TECTA: variants seen among roughly 807,000 people sequenced by gnomAD.
The protein encoded by TECTA is tectorin alpha, also known as alpha-tectorin.
TECTA carries 128 observed loss-of-function variants against 216.8 expected under a neutral mutation model. That is an observed-to-expected ratio of 0.59 (90% CI 0.51 to 0.68). The LOEUF (loss-of-function observed/expected upper bound fraction) is 0.68, where lower values mean the gene tolerates loss of function less well. TECTA is among the 30% of genes least tolerant of loss of function. The probability of loss-of-function intolerance (pLI) is 0.00; values close to 1 mark genes in which losing one functional copy is unlikely to be tolerated. For synonymous variants in TECTA, 1,089 were observed against 1,117.1 expected, an observed-to-expected ratio of 0.97 and a Z score of 0.50; for missense variants, 2,551 against 2,786.2, an observed-to-expected ratio of 0.92 and a Z score of 1.90.
chr11:121,134,202 A>G (rs1388060368), intron 10 of TECTA, among the ~76,000 whole-genome samples: 1 of 152,072 alleles, frequency 6.6e-6, no homozygotes, highest in Non-Finnish European at 1.5e-5. Flanking sequence ...CTTGACTCCA[A>G]GAAGCCCTGG....
rs200370805 is a variant in TECTA, at chr11:121,161,540, T to TCCTTCCCTTC, written c.4977-516_4977-507dup. Reference sequence around the variant, plus strand: ...CTGCCTCCCTCCCTCCTTCCCTCCCTCCTTCCCTTCCCTTCCCTTCCCTTC... The same window carrying TCCTTCCCTTC: ...CTGCCTCCCTCCCTCCTTCCCTCCCTCCTTCCCTTCCCTTCCCTTCCCTTCCCTTCCCTTC... On this transcript the variant is annotated intron_variant, in intron 15 of 23. Coordinates refer to ENST00000392793, the MANE Select transcript of TECTA (RefSeq NM_005422.4). 6.4e-3 allele frequency among the ~76,000 whole-genome samples: 30 copies of TCCTTCCCTTC among 4,690 alleles called. 4 individuals are homozygous for TCCTTCCCTTC. Among genetic ancestry groups the TCCTTCCCTTC allele is most frequent in the African/African-American group, 0.017 (28 of 1,638 alleles). The allele number at this position is 4,690 out of a possible 152,430, so 3.1% of individuals were successfully genotyped here.
intron 6 of TECTA, among the ~76,000 whole-genome samples, chr11:121,116,049 G>A (rs543551173): frequency 3.9e-5 from 6 of 152,218 alleles, no homozygotes; most frequent in Non-Finnish European, 7.4e-5. Flanking sequence ...TAGTGCCTTC[G>A]CTCTAAGGTA....
chr11:121,117,275 A>G (rs1240311836), intron 6 of TECTA, among the ~76,000 whole-genome samples: 1 of 152,208 alleles, frequency 6.6e-6, no homozygotes, highest in African/African-American at 2.4e-5. Flanking sequence ...TCCACATTTT[A>G]CAGGTTAGGA....
intron 12 of TECTA, 47 bp from the exon 13 acceptor site, chr11:121,152,834 C>A: frequency 1.3e-6 from 2 of 1,560,082 alleles, no homozygotes; most frequent in South Asian, 1.2e-5. Context: ...AAACCCTCCT[C>A]GGTGCCTTGT....
At chr11:121,125,254 T>C in intron 7 of TECTA, 48 bp from the exon 8 acceptor site, 5 of 1,584,742 alleles carry the variant, frequency 3.2e-6, no homozygotes, top group Non-Finnish European at 4.3e-6. Context: ...TGGAACCCAG[T>C]GCCTGGGCAC....
At chr11:121,136,209 C>T (rs967743494) in intron 10 of TECTA, among the ~76,000 whole-genome samples, 1 of 152,150 alleles carries the variant, frequency 6.6e-6, no homozygotes, top group Non-Finnish European at 1.5e-5. Context: ...GATCCACCCG[C>T]CTCAGCCTCC....
chr11:121,130,950 C>A (rs1946668373), intron 10 of TECTA, among the ~76,000 whole-genome samples: 1 of 148,024 alleles, frequency 6.8e-6, no homozygotes, highest in Admixed American at 6.6e-5. Flanking sequence ...CATGGTGGCT[C>A]ACGCCTGGAA....
rs1003951217 is a variant in TECTA, at chr11:121,168,058, A to G, written c.5591A>G (p.Asn1864Ser). ...KGNCGNIVQS[N>S]GTHIMYKNTL... is the part of the protein sequence containing the mutation. Reference sequence around the variant, plus strand: ...TGACTTCCCCTTGTTCTGCAGTCCAATGGCACGCATATCATGTATAAAAAC... The same window carrying G: ...TGACTTCCCCTTGTTCTGCAGTCCAGTGGCACGCATATCATGTATAAAAAC... The change falls in exon 19 of 24, where the codon AAT becomes AGT. Residue 1864 changes from asparagine to serine, a missense_variant. Asn to Ser is a conservative substitution (Grantham distance 46, BLOSUM62 1). Around this residue, in one of 3 missense-constraint regions of TECTA, gnomAD observed 2,375 missense variants for 2,563.9 expected, o/e 0.93. Coordinates refer to ENST00000392793, the MANE Select transcript of TECTA (RefSeq NM_005422.4). 1.9e-6 allele frequency: 3 copies of G among 1,614,130 alleles called. No individual in the cohort carries two copies. The highest frequency in any genetic ancestry group is 2.5e-6 in the Non-Finnish European group (3 of 1,179,994).
At chr11:121,140,886 C>T (rs922869532) in intron 11 of TECTA, 3 of 152,288 alleles carry the variant, frequency 2.0e-5, no homozygotes, top group African/African-American at 7.2e-5. Flanking sequence ...ATCTACAAAG[C>T]CCCTATTTCC....
intron 7 of TECTA, among the ~76,000 whole-genome samples, chr11:121,122,563 C>T (rs891666207): frequency 2.7e-5 from 4 of 150,698 alleles, no homozygotes; most frequent in African/African-American, 4.9e-5. Context: ...AGTCTGGGCA[C>T]GGCGTCTCAC....
intron 23 of TECTA, 23 bp from the exon 24 acceptor site, chr11:121,190,683 A>G (rs771283757): frequency 6.3e-7 from 1 of 1,575,204 alleles, no homozygotes; most frequent in Non-Finnish European, 8.7e-7. Flanking sequence ...CATAGGGCTT[A>G]CTGTGTTCCT....
chr11:121,169,165 C>T (rs1947086756), intron 20 of TECTA, among the ~76,000 whole-genome samples: 2 of 152,146 alleles, frequency 1.3e-5, no homozygotes, highest in African/African-American at 2.4e-5. Context: ...AGGTACCCCA[C>T]GTCCATGTGG....
At chr11:121,110,954 C>T (rs1422849144) in intron 4 of TECTA, among the ~76,000 whole-genome samples, 1 of 152,138 alleles carries the variant, frequency 6.6e-6, no homozygotes, top group Non-Finnish European at 1.5e-5. Flanking sequence ...AGTGTCCATC[C>T]ATCCCCATCT....
At position 121,127,916 on chromosome 11, in the gene TECTA, C is replaced by T. The variant is rs1208163869; in HGVS notation, c.1939C>T (p.Leu647=). ...FVLSTSQCVP[L]HKCGCDFDGH... is the part of the protein sequence containing the mutation. ...CCTCAGCACCAGCCAGTGCGTCCCT[C>T]TGCACAAGTGCGGCTGCGACTTCGA... The change falls in exon 9 of 24, where the codon CTG becomes TTG. Residue 647 remains leucine (L), a synonymous_variant. Coordinates refer to ENST00000392793, the MANE Select transcript of TECTA (RefSeq NM_005422.4). This position sits in a 1 kb window ranked among gnomAD's most constrained non-coding sequence, Gnocchi z 5.0. The T allele has an allele frequency of 6.2e-7, 1 of 1,614,164 alleles. No homozygotes were observed. Among genetic ancestry groups the T allele is most frequent in the African/African-American group, 1.3e-5 (1 of 75,078 alleles).
intron 20 of TECTA, among the ~76,000 whole-genome samples, chr11:121,184,518 T>G (rs1947261683): frequency 6.6e-6 from 1 of 152,184 alleles, no homozygotes; most frequent in South Asian, 2.1e-4. Context: ...GAGAGTGCTG[T>G]GGATACTGTA....
rs1947074083 is a variant in TECTA, at chr11:121,168,151, A to C, written c.5684A>C (p.Glu1895Ala). The change falls in exon 19 of 24, where the codon GAA becomes GCA. Residue 1895 changes from glutamate (E) to alanine (A), a missense_variant. Coordinates refer to ENST00000392793, the MANE Select transcript of TECTA (RefSeq NM_005422.4). ...IITRDRTINV[E>A]FSCAYELDIK... ...ACCAGGGACCGCACGATCAATGTGG[A>C]ATTTTCATGTGCTTATGAGCTGGAT... 1 of 1,614,224 alleles carries C rather than the reference A, an allele frequency of 6.2e-7. No homozygotes were observed. Among genetic ancestry groups the C allele is most frequent in the Admixed American group, 1.7e-5 (1 of 60,032 alleles).
At chr11:121,111,832 G>A (rs776449120) in intron 4 of TECTA, among the ~76,000 whole-genome samples, 19 of 152,316 alleles carry the variant, frequency 1.2e-4, no homozygotes, top group Admixed American at 2.6e-4. Context: ...GACTGAAGGC[G>A]TTTACCTGAG....
At chr11:121,119,971 T>C (rs977838725) in intron 7 of TECTA, among the ~76,000 whole-genome samples, 1 of 152,214 alleles carries the variant, frequency 6.6e-6, no homozygotes, top group African/African-American at 2.4e-5. Context: ...AAATTTATAT[T>C]GTGCTGTTGA....
In TECTA at chr11:121,157,981, C is replaced by G. The variant is rs1340150844; in HGVS notation, c.4446C>G (p.Thr1482=). ...ACGGGGTGCGCGGCTGCTTCAGCAC[C>G]AAGACCTCCTACTGCCTGGCGGCCG... ...LRNGVRGCFS[T]KTSYCLAAGG... The change falls in exon 14 of 24, where the codon ACC becomes ACG. Residue 1482 remains threonine (T), a synonymous_variant. Transcript: ENST00000392793. 2 of 1,613,432 alleles carry G rather than the reference C, an allele frequency of 1.2e-6. No homozygotes were observed. The highest frequency in any genetic ancestry group is 1.7e-6 in the Non-Finnish European group (2 of 1,179,962).
Sources: allele counts gnomAD v4.1 joint callset (sites outside exome capture counted in the v4.1 genomes callset), GRCh38; gene constraint gnomAD v4.1.1; regional missense constraint gnomAD v4.1.1; non-coding constraint Gnocchi (gnomAD v3.1); transcripts MANE v1.5; gene names NCBI Gene and HGNC (gene_info 2026-07-23, HGNC 2026-07-21).